CNTN6: variants seen among roughly 807,000 people sequenced by gnomAD.
The protein encoded by CNTN6 is contactin-6.
In CNTN6, 137 loss-of-function variants were observed where a neutral mutation model predicts 122.8. That is an observed-to-expected ratio of 1.12 (90% CI 0.97 to 1.29). CNTN6 has a LOEUF of 1.29. Among genes scored for constraint, CNTN6 ranks in the 50% most tolerant of loss-of-function variants. CNTN6 has a pLI of 0.00. For missense variants in CNTN6, 1,634 were observed against 1,223.4 expected (o/e 1.34, Z -5.01); for synonymous variants, 570 against 426.0 (o/e 1.34, Z -4.16).
intron 2 of CNTN6, among the ~76,000 whole-genome samples, chr3:1,212,525 G>A (rs1157289252): frequency 6.7e-6 from 1 of 149,602 alleles, no homozygotes; most frequent in East Asian, 2.0e-4. Context: ...ATATGTGTGT[G>A]TATATATATA....
intron 1 of CNTN6, among the ~76,000 whole-genome samples, chr3:1,103,553 C>T (rs1016756023): frequency 2.6e-5 from 4 of 152,006 alleles, no homozygotes; most frequent in Non-Finnish European, 4.4e-5. Context: ...TGCAGATGTA[C>T]GGAGTGATTT....
intron 3 of CNTN6, among the ~76,000 whole-genome samples, chr3:1,221,148 T>TGAGA (rs779163398): frequency 7.0e-6 from 1 of 142,806 alleles, no homozygotes; most frequent in African/African-American, 2.6e-5. Flanking sequence ...TGGTCAGAAA[T>TGAGA]GAGAGAGAGA....
chr3:1,372,604 T>A, intron 13 of CNTN6, 130 bp downstream of exon 13: 1 of 864,926 alleles, frequency 1.2e-6, no homozygotes, highest in Non-Finnish European at 1.7e-6. Context: ...AAGCTACATT[T>A]GTTTTTGTTT....
At chr3:1,143,123 G>A (rs907122339) in intron 1 of CNTN6, among the ~76,000 whole-genome samples, 13 of 151,828 alleles carry the variant, frequency 8.6e-5, no homozygotes, top group South Asian at 4.1e-4. Flanking sequence ...ATTGCTTGGT[G>A]TGTATTGCCT....
At chr3:1,113,861 CTCA>C (rs2091594931) in intron 1 of CNTN6, among the ~76,000 whole-genome samples, 2 of 1,370 alleles carry the variant, frequency 1.5e-3, no homozygotes, top group African/African-American at 0.012. Flanking sequence ...AATACTCTCA[CTCA>C]CTCAAATGGT....
rs2092651318 is a variant in CNTN6, at chr3:1,143,155, A to G, written c.-82-4772A>G. On this transcript the variant is annotated intron_variant, in intron 1 of 22. Transcript: ENST00000446702. ...GCCTGGGGACAGTTCTCTGCCACCA[A>G]ATAAATTTTGCTACCAAGCTTTCAT... Among the ~76,000 whole-genome samples the G allele has an allele frequency of 3.3e-5, 5 of 151,934 alleles. No individual in the cohort carries two copies. In the South Asian group the frequency reaches 1.0e-3, roughly 31 times the overall value.
chr3:1,165,273 G>A (rs2093220796), intron 2 of CNTN6, among the ~76,000 whole-genome samples: 1 of 152,102 alleles, frequency 6.6e-6, no homozygotes. Context: ...CGCTCATCTA[G>A]GCTGTTGCGG....
chr3:1,220,744 C>G lies in CNTN6; in HGVS notation c.113C>G (p.Pro38Arg). ...CAGGAGCCACATGATGTCATTTTTC[C>G]TTTGGATTTATCAAAATCTGAGGTC... is the stretch of plus-strand genomic sequence containing the variant. ...FTQEPHDVIFPLDLSKSEVIL... is the reference protein window; with the variant it reads ...FTQEPHDVIFRLDLSKSEVIL... Residue 38 changes from proline to arginine, a missense_variant, in exon 3 of 23, where the codon CCT becomes CGT. By Grantham distance (103) the Pro-to-Arg change is moderately radical (BLOSUM62 -2). Transcript: ENST00000446702. The G allele has an allele frequency of 6.2e-7, 1 of 1,612,522 alleles. No homozygotes were observed. Among genetic ancestry groups the G allele is most frequent in the African/African-American group, 1.3e-5 (1 of 74,890 alleles).
intron 7 of CNTN6, among the ~76,000 whole-genome samples, chr3:1,311,357 G>GTACATATAAAATGGCTTTTTATA (rs1699237347): frequency 1.3e-4 from 13 of 102,244 alleles, no homozygotes; most frequent in African/African-American, 6.1e-4. Context: ...GTCTTTATAT[G>GTACATATAAAATGGCTTTTTATA]TACATATATG....
chr3:1,384,732 TATATATACATATATACAC>T (rs1692524703), intron 19 of CNTN6, among the ~76,000 whole-genome samples: 2 of 122,500 alleles, frequency 1.6e-5, no homozygotes, highest in Non-Finnish European at 3.3e-5. Flanking sequence ...TATACACACA[TATATATACATATATACAC>T]ATATATATAC....
At chr3:1,183,970 T>C (rs546405642) in intron 2 of CNTN6, among the ~76,000 whole-genome samples, 2 of 152,322 alleles carry the variant, frequency 1.3e-5, no homozygotes, top group East Asian at 3.9e-4. Context: ...CCTCCATTCC[T>C]AGCTGGCTAG....
chr3:1,279,621 C>G (rs1010418361), intron 5 of CNTN6, among the ~76,000 whole-genome samples: 30 of 152,164 alleles, frequency 2.0e-4, no homozygotes, highest in African/African-American at 7.2e-4. Flanking sequence ...TTCCCAGACC[C>G]TCAGCTCTTA....
chr3:1,294,587 C>T (rs961103), intron 5 of CNTN6, among the ~76,000 whole-genome samples: 60,539 of 151,990 alleles, frequency 0.4, 14,587 homozygotes, highest in East Asian at 0.78. Flanking sequence ...GTCATTTATA[C>T]AGTTACCCAC....
chr3:1,384,812 CATAT>C (rs60437325), intron 19 of CNTN6, among the ~76,000 whole-genome samples: 52 of 118,496 alleles, frequency 4.4e-4, no homozygotes, highest in African/African-American at 1.3e-3. Context: ...CACACACACA[CATAT>C]ATATATATAT....
At chr3:1,320,227 T>C (rs1429000822) in intron 7 of CNTN6, among the ~76,000 whole-genome samples, 2 of 151,782 alleles carry the variant, frequency 1.3e-5, no homozygotes, top group Non-Finnish European at 2.9e-5. Flanking sequence ...GTTTTCACTG[T>C]AATTGTATGT....
chr3:1,311,932 A>G (rs75155270), intron 7 of CNTN6, among the ~76,000 whole-genome samples: 254 of 152,098 alleles, frequency 1.7e-3, no homozygotes, highest in Admixed American at 4.8e-3. Flanking sequence ...GTTTCCATCA[A>G]TTTTGTTTCC....
At chr3:1,231,411 T>C (rs1305831532) in intron 4 of CNTN6, among the ~76,000 whole-genome samples, 2 of 152,250 alleles carry the variant, frequency 1.3e-5, no homozygotes, top group Non-Finnish European at 2.9e-5. Flanking sequence ...TTTCAGAATC[T>C]ACCCTGTCCA....
chr3:1,260,735 G>A (rs746912169), intron 4 of CNTN6, among the ~76,000 whole-genome samples: 2 of 151,920 alleles, frequency 1.3e-5, no homozygotes, highest in African/African-American at 2.4e-5. Flanking sequence ...GAGTTCTCAC[G>A]AGATCTGATA....
At chr3:1,327,372 C>T (rs1701679179) in intron 9 of CNTN6, 85 bp from the exon 10 acceptor site, 2 of 1,362,164 alleles carry the variant, frequency 1.5e-6, no homozygotes, top group South Asian at 1.2e-5. Context: ...CATAGATATA[C>T]ACAAATGTTG....
Sources: gnomAD v4.1 joint callset for allele counts (sites outside exome capture counted in the v4.1 genomes callset) on GRCh38, gnomAD v4.1.1 for gene constraint, MANE v1.5 for transcripts, NCBI Gene and HGNC (gene_info 2026-07-23, HGNC 2026-07-21) for gene names.